ACADSB: variants seen among roughly 807,000 people sequenced by gnomAD.
ACADSB encodes short/branched chain specific acyl-CoA dehydrogenase, mitochondrial.
ACADSB carries 40 observed loss-of-function variants against 54.1 expected under a neutral mutation model. The observed-to-expected ratio is 0.74, with a 90% CI of 0.57 to 0.96. The LOEUF (loss-of-function observed/expected upper bound fraction) is 0.96. Ranked by LOEUF, ACADSB falls within the 40% of genes least tolerant of loss-of-function variation. The probability of loss-of-function intolerance (pLI) is 0.00; values close to 1 mark genes in which losing one functional copy is unlikely to be tolerated. For synonymous variants in ACADSB, 182 were observed against 182.8 expected (o/e 1.00, Z 0.03); for missense variants, 530 against 510.4 (o/e 1.04, Z -0.37).
intron 8 of ACADSB, among the ~76,000 whole-genome samples, chr10:123,050,749 T>C (rs1319800287): frequency 6.6e-6 from 1 of 152,160 alleles, no homozygotes; most frequent in Non-Finnish European, 1.5e-5. Context: ...GAAATAATTA[T>C]TAAATATAAC....
At chr10:123,029,172 C>A (rs900572999) in intron 1 of ACADSB, among the ~76,000 whole-genome samples, 10 of 152,000 alleles carry the variant, frequency 6.6e-5, no homozygotes, top group Non-Finnish European at 1.3e-4. Context: ...CATGGTGAAA[C>A]CCCGTCTCTA....
intron 7 of ACADSB, among the ~76,000 whole-genome samples, chr10:123,045,175 T>G (rs1422382246): frequency 1.5e-5 from 1 of 64,902 alleles, no homozygotes; most frequent in East Asian, 3.7e-4. Context: ...ATATATATTT[T>G]TTTTTTTTTT....
intron 7 of ACADSB, among the ~76,000 whole-genome samples, chr10:123,045,944 C>A (rs747251987): frequency 1.3e-5 from 2 of 152,194 alleles, no homozygotes; most frequent in Admixed American, 6.5e-5. Flanking sequence ...GAACTGAAGG[C>A]ATCTGTCCTC....
At chr10:123,019,952 A>G (rs1373015704) in intron 1 of ACADSB, among the ~76,000 whole-genome samples, 1 of 152,178 alleles carries the variant, frequency 6.6e-6, no homozygotes, top group African/African-American at 2.4e-5. Context: ...AGAATCATCC[A>G]GTCTTTTTTT....
At chr10:123,014,136 G>A (rs915063360) in intron 1 of ACADSB, among the ~76,000 whole-genome samples, 1 of 151,990 alleles carries the variant, frequency 6.6e-6, no homozygotes, top group Non-Finnish European at 1.5e-5. Flanking sequence ...GACAACTTTG[G>A]CCTTCTCTTG....
intron 8 of ACADSB, among the ~76,000 whole-genome samples, chr10:123,048,199 T>C (rs1039824264): frequency 6.6e-6 from 1 of 152,154 alleles, no homozygotes; most frequent in Non-Finnish European, 1.5e-5. Context: ...TGTCTTCAGG[T>C]TTATAATAAT....
intron 2 of ACADSB, 79 bp downstream of exon 2, chr10:123,034,594 C>A (rs1850372626): frequency 1.4e-6 from 2 of 1,474,644 alleles, no homozygotes; most frequent in South Asian, 1.1e-5. Context: ...TGGCTCACTG[C>A]AGCCCCACCT....
chr10:123,020,606 G>A (rs1564746926), intron 1 of ACADSB, among the ~76,000 whole-genome samples: 2 of 152,142 alleles, frequency 1.3e-5, no homozygotes, highest in Non-Finnish European at 2.9e-5. Flanking sequence ...ATATAAAAGA[G>A]TACAACTGCT....
Position 123,057,891 on chromosome 10 carries a change from G to T in ACADSB, c.*4126G>T, listed in dbSNP as rs1479548762. 3 of 152,130 alleles carry T rather than the reference G, an allele frequency of 2.0e-5. No homozygotes were observed. The highest frequency in any genetic ancestry group is 4.4e-5 in the Non-Finnish European group (3 of 68,020). The allele number at this position is 152,130 out of a possible 1,614,324, so 9.4% of individuals were successfully genotyped here. ...AGTGTTCTTCCTAGTATTAAACATT[G>T]CCCCTTTCGACAAATTTTGGATTTC... On this transcript the variant is annotated 3_prime_UTR_variant, in exon 11 of 11. Transcript: ENST00000358776.
chr10:123,051,001 T>C, intron 8 of ACADSB, 48 bp from the exon 9 acceptor site: 1 of 1,600,636 alleles, frequency 6.2e-7, no homozygotes, highest in Non-Finnish European at 8.5e-7. Flanking sequence ...GTTGAGGTGC[T>C]TGCTTTTTTG....
intron 1 of ACADSB, among the ~76,000 whole-genome samples, chr10:123,011,107 G>A (rs1324816007): frequency 2.6e-5 from 4 of 152,212 alleles, no homozygotes; most frequent in African/African-American, 7.2e-5. Context: ...ATGCCACAGT[G>A]TAGGTAGATG....
intron 1 of ACADSB, among the ~76,000 whole-genome samples, chr10:123,019,826 T>C (rs1414553686): frequency 6.6e-6 from 1 of 152,190 alleles, no homozygotes; most frequent in Non-Finnish European, 1.5e-5. Context: ...ATCCCTTGTG[T>C]TGTTTGTCCT....
At chr10:123,035,838 C>G (rs1057311375) in intron 2 of ACADSB, among the ~76,000 whole-genome samples, 2 of 152,206 alleles carry the variant, frequency 1.3e-5, no homozygotes, top group Admixed American at 1.3e-4. Flanking sequence ...TCCCTCCCAG[C>G]ATCGAGTCTC....
At chr10:123,011,182 C>T (rs922499757) in intron 1 of ACADSB, among the ~76,000 whole-genome samples, 2 of 152,166 alleles carry the variant, frequency 1.3e-5, no homozygotes, top group Non-Finnish European at 2.9e-5. Flanking sequence ...GGTTTCTATC[C>T]AGAGGCAAAT....
chr10:123,024,374 G>A (rs1384389530), intron 1 of ACADSB, among the ~76,000 whole-genome samples: 4 of 152,240 alleles, frequency 2.6e-5, no homozygotes, highest in Non-Finnish European at 5.9e-5. Flanking sequence ...TCCAGGGAGG[G>A]CAGCTATCCT....
At chr10:123,031,539 G>A (rs1850327104) in intron 1 of ACADSB, among the ~76,000 whole-genome samples, 1 of 152,226 alleles carries the variant, frequency 6.6e-6, no homozygotes, top group Admixed American at 6.5e-5. Flanking sequence ...CAACACTGAA[G>A]GGCAGGGGAC....
At chr10:123,028,760 A>C (rs1394204211) in intron 1 of ACADSB, among the ~76,000 whole-genome samples, 1 of 152,126 alleles carries the variant, frequency 6.6e-6, no homozygotes, top group East Asian at 1.9e-4. Flanking sequence ...GCTGGGCATA[A>C]TGGCTTACAA....
Position 123,053,949 on chromosome 10 carries a change from T to C in ACADSB, c.*184T>C, listed in dbSNP as rs994192093. 2 of 633,712 alleles carry C rather than the reference T, an allele frequency of 3.2e-6. No homozygotes were observed. Among genetic ancestry groups the C allele is most frequent in the African/African-American group, 3.7e-5 (2 of 54,368 alleles). The allele number at this position is 633,712 out of a possible 1,614,324, so 39.3% of individuals were successfully genotyped here. The stretch of plus-strand genomic sequence containing the variant: ...TTTTCTCTTTTCAGGCTGTTTAACT[T>C]AGGCACAGGAGATCCACTTTTAAAC... On this transcript the variant is annotated 3_prime_UTR_variant, in exon 11 of 11. Transcript: ENST00000358776.
At position 123,043,080 on chromosome 10, in the gene ACADSB, G is replaced by A. The variant is rs142551485; in HGVS notation, c.716G>A (p.Arg239His). 21 of 1,613,694 alleles carry A rather than the reference G, an allele frequency of 1.3e-5. No homozygotes were observed. Among genetic ancestry groups the A allele is most frequent in the Middle Eastern group, 1.6e-4 (1 of 6,084 alleles). ...GGAATTACCTCCTTCTTAGTAGATCGTGATACTCCGGGCCTTCATATAGGG... is the reference window on the plus strand; with the variant it reads ...GGAATTACCTCCTTCTTAGTAGATCATGATACTCCGGGCCTTCATATAGGG... ...YKGITSFLVD[R>H]DTPGLHIGKP... Residue 239 changes from arginine (R) to histidine (H), a missense_variant, in exon 6 of 11, where the codon CGT (arginine) becomes CAT (histidine). Coordinates refer to ENST00000358776, the MANE Select transcript of ACADSB (RefSeq NM_001609.4).
Sources: allele counts gnomAD v4.1 joint callset (sites outside exome capture counted in the v4.1 genomes callset), GRCh38; gene constraint gnomAD v4.1.1; transcripts MANE v1.5; gene names NCBI Gene and HGNC (gene_info 2026-07-23, HGNC 2026-07-21).